The following FOXP1 variants were observed in gnomAD, a reference collection of about 807,000 sequenced individuals.
FOXP1 encodes forkhead box P1.
FOXP1 carries 15 observed loss-of-function variants against 98.2 expected under a neutral mutation model. The observed-to-expected ratio is 0.15, with a 90% CI of 0.10 to 0.24. FOXP1 has a LOEUF of 0.24. FOXP1 is among the 10% of genes least tolerant of loss of function. The pLI, the probability that FOXP1 is intolerant of heterozygous loss-of-function variation, is 1.00. For synonymous variants in FOXP1, 371 were observed against 314.5 expected, an observed-to-expected ratio of 1.18 and a Z score of -1.90; for missense variants, 633 against 848.5, an observed-to-expected ratio of 0.75 and a Z score of 3.15.
At chr3:71,460,118 T>G (rs1323371256) in intron 3 of FOXP1, among the ~76,000 whole-genome samples, 1 of 151,946 alleles carries the variant, frequency 6.6e-6, no homozygotes, top group African/African-American at 2.4e-5. Context: ...TATTTTTTAG[T>G]AGAGACGGGG....
At chr3:71,449,527 T>A (rs2086745723) in intron 3 of FOXP1, among the ~76,000 whole-genome samples, 1 of 152,202 alleles carries the variant, frequency 6.6e-6, no homozygotes, top group African/African-American at 2.4e-5. Flanking sequence ...GGCAAAGGAC[T>A]ATTTCCTAGA....
At chr3:71,339,598 G>A (rs2076894283) in intron 4 of FOXP1, among the ~76,000 whole-genome samples, 1 of 152,176 alleles carries the variant, frequency 6.6e-6, no homozygotes, top group Non-Finnish European at 1.5e-5. Context: ...ATGTCTCTCT[G>A]CTTTCAAAAT....
chr3:71,329,795 G>A lies in FOXP1; in HGVS notation c.-73+29355C>T, dbSNP rs373051419. On this transcript the variant is annotated intron_variant, in intron 4 of 20. Transcript: ENST00000649528. ...GATAACATTACCGCTGGAAGAATTC[G>A]CAGCATACATGTTCCAAAACAGTAT... The A allele has an allele frequency of 5.9e-5, 9 of 152,122 alleles. No homozygotes were observed. The East Asian group carries it at 7.7e-4, about 13-fold the overall frequency. 9.4% of individuals were successfully genotyped at this position (152,122 alleles called of 1,614,324 possible). A position where few individuals can be genotyped will look rare whatever the true frequency, so the allele number is the denominator to read the frequency against.
At chr3:71,318,147 C>A (rs2075185939) in intron 4 of FOXP1, among the ~76,000 whole-genome samples, 1 of 133,126 alleles carries the variant, frequency 7.5e-6, no homozygotes, top group African/African-American at 2.8e-5. Flanking sequence ...TAATTCTACC[C>A]AGCAAGGTTT....
intron 5 of FOXP1, among the ~76,000 whole-genome samples, chr3:71,277,261 CTTTTTT>C (rs34816352): frequency 7.5e-6 from 1 of 133,732 alleles, no homozygotes. Context: ...CCTGGCTGAA[CTTTTTT>C]TTTTTTTTTT....
chr3:71,094,638 T>C (rs2056280996), intron 7 of FOXP1, among the ~76,000 whole-genome samples: 1 of 152,164 alleles, frequency 6.6e-6, no homozygotes, highest in Non-Finnish European at 1.5e-5. Flanking sequence ...AAGTTTCAGG[T>C]CACAGAGTCA....
intron 2 of FOXP1, among the ~76,000 whole-genome samples, chr3:71,495,195 A>G (rs1387020850): frequency 6.6e-6 from 1 of 152,208 alleles, no homozygotes; most frequent in East Asian, 1.9e-4. Context: ...CCAAGATGCC[A>G]TGAGCCCATT....
intron 3 of FOXP1, among the ~76,000 whole-genome samples, chr3:71,489,069 T>A (rs1048169363): frequency 6.6e-6 from 1 of 152,148 alleles, no homozygotes; most frequent in African/African-American, 2.4e-5. Flanking sequence ...CCAAGGTACC[T>A]GCCAGCTGCA....
chr3:71,375,435 T>C (rs2079643885), intron 3 of FOXP1, among the ~76,000 whole-genome samples: 2 of 152,226 alleles, frequency 1.3e-5, no homozygotes, highest in Non-Finnish European at 2.9e-5. Context: ...TAATGATGTA[T>C]ATACACGTTT....
At chr3:71,516,001 C>T (rs2042554746) in intron 2 of FOXP1, among the ~76,000 whole-genome samples, 2 of 152,162 alleles carry the variant, frequency 1.3e-5, no homozygotes, top group African/African-American at 4.8e-5. Flanking sequence ...TAATCAAACG[C>T]TCATTAAATA....
chr3:70,981,024 G>A (rs1487039574), intron 14 of FOXP1, among the ~76,000 whole-genome samples: 3 of 152,080 alleles, frequency 2.0e-5, no homozygotes, highest in Non-Finnish European at 4.4e-5. Flanking sequence ...CTGAGTTCCA[G>A]TTTCATTGTC....
chr3:71,169,178 T>G (rs2061527335), intron 6 of FOXP1, among the ~76,000 whole-genome samples: 1 of 152,224 alleles, frequency 6.6e-6, no homozygotes, highest in Non-Finnish European at 1.5e-5. Flanking sequence ...CGAGTCAGTT[T>G]ACAGTGTCTC....
At chr3:70,970,108 T>C (rs149521307) in intron 19 of FOXP1, 259 of 152,888 alleles carry the variant, frequency 1.7e-3, no homozygotes, top group Admixed American at 2.6e-3. Flanking sequence ...CCTGGTACCA[T>C]TGGTGATGTA....
intron 3 of FOXP1, among the ~76,000 whole-genome samples, chr3:71,388,502 G>A (rs1014263249): frequency 1.1e-4 from 17 of 151,930 alleles, no homozygotes; most frequent in Non-Finnish European, 2.1e-4. Flanking sequence ...CAAAATTAAC[G>A]TTAAGTACAA....
intron 1 of FOXP1, chr3:71,581,987 T>C: frequency 1.5e-6 from 1 of 670,906 alleles, no homozygotes; most frequent in Non-Finnish European, 1.7e-6. Context: ...GAGAAGGGGG[T>C]GGGATGGGGA....
chr3:71,067,737 C>CACACACACACACAG (rs1232557756), intron 7 of FOXP1, among the ~76,000 whole-genome samples: 1 of 146,094 alleles, frequency 6.8e-6, no homozygotes. Context: ...AAAATACACA[C>CACACACACACACAG]ACACACACAC....
intron 12 of FOXP1, among the ~76,000 whole-genome samples, chr3:71,005,841 T>C (rs1387524492): frequency 6.6e-6 from 1 of 152,136 alleles, no homozygotes; most frequent in Non-Finnish European, 1.5e-5. Context: ...CCTCGAAGTA[T>C]ACAGCACACA....
At chr3:71,257,264 G>T (rs1351507050) in intron 5 of FOXP1, among the ~76,000 whole-genome samples, 2 of 152,114 alleles carry the variant, frequency 1.3e-5, no homozygotes, top group Admixed American at 6.5e-5. Flanking sequence ...TTGCAACACA[G>T]TTTTGGCAAT....
chr3:71,028,457 T>C (rs1156776558), intron 11 of FOXP1, among the ~76,000 whole-genome samples: 1 of 152,126 alleles, frequency 6.6e-6, no homozygotes. Flanking sequence ...ATTTTAGCCA[T>C]TCCTCCAGGG....
Sources: allele counts gnomAD v4.1 joint callset (sites outside exome capture counted in the v4.1 genomes callset), GRCh38; gene constraint gnomAD v4.1.1; transcripts MANE v1.5; gene names NCBI Gene and HGNC (gene_info 2026-07-23, HGNC 2026-07-21).